The following SAMD4B variants were observed in gnomAD, a reference collection of about 807,000 sequenced individuals.
The protein encoded by SAMD4B is sterile alpha motif domain containing 4B.
A neutral mutation model predicts 74.5 loss-of-function variants in SAMD4B; 5 were observed. The observed-to-expected ratio is 0.07, with a 90% confidence interval of 0.04 to 0.14. SAMD4B has a LOEUF of 0.14. Ranked by LOEUF, SAMD4B falls within the 10% of genes least tolerant of loss-of-function variation. SAMD4B has a pLI of 1.00. For missense variants in SAMD4B, 608 were observed against 921.8 expected, an observed-to-expected ratio of 0.66 and a Z score of 4.41; for synonymous variants, 373 against 374.9, an observed-to-expected ratio of 1.00 and a Z score of 0.06.
downstream of SAMD4B, chr19:39,389,694 G>A: frequency 1.2e-6 from 2 of 1,614,174 alleles, no homozygotes; most frequent in Non-Finnish European, 1.7e-6. The surrounding 1 kb of genome is among the most constrained non-coding windows in gnomAD (Gnocchi z 5.3). Context: ...GTGACCCCCA[G>A]GTCTGGCTCA....
chr19:39,386,440 C>T (rs2078250892), downstream of SAMD4B: 3 of 1,613,974 alleles, frequency 1.9e-6, no homozygotes, highest in Admixed American at 1.7e-5. This position sits in a 1 kb window ranked among gnomAD's most constrained non-coding sequence, Gnocchi z 6.1. Context: ...CCCACTTTTC[C>T]ACCCTCCCAG....
rs765374538 is a variant in SAMD4B, at chr19:39,377,626, G to C, written c.1246G>C (p.Gly416Arg). 9 of 1,613,978 alleles carry C rather than the reference G, an allele frequency of 5.6e-6. No individual in the cohort carries two copies. Among genetic ancestry groups the C allele is most frequent in the East Asian group, 2.2e-5 (1 of 44,888 alleles). ...CCCTACTGCCAAGGATGGGGCCCCG[G>C]GGGAACCACCGCTGCCAGGTGCTGA... is the stretch of plus-strand genomic sequence containing the variant. ...TTPTAKDGAP[G>R]EPPLPGAEPP... Residue 416 changes from glycine (G) to arginine (R), a missense_variant, in exon 8 of 14, where the codon GGG (glycine) becomes CGG (arginine). Physicochemically the swap from Gly to Arg is moderately radical, Grantham distance 125 (BLOSUM62 -2). This residue lies in a region of SAMD4B where 99 missense variants were observed against 112.1 expected (regional missense o/e 0.88). Transcript: ENST00000610417.
At position 39,385,459 on chromosome 19, in the gene SAMD4B, C is replaced by T. The variant is rs893586616; in HGVS notation, c.*1932C>T. On this transcript the variant is annotated 3_prime_UTR_variant, in exon 14 of 14. Transcript: ENST00000610417. ...CCACCTGACAGCAGAGTGTGCAGGA[C>T]GCAGGCGGCCCCACTCTGATGGGCA... 7.8e-5 allele frequency: 34 copies of T among 434,424 alleles called. No individual in the cohort carries two copies. The highest frequency in any genetic ancestry group is 5.7e-5 in the Non-Finnish European group (14 of 246,828). 26.9% of individuals were successfully genotyped at this position (434,424 alleles called of 1,614,324 possible).
At chr19:39,361,757 A>G (rs2076667389) in intron 3 of SAMD4B, among the ~76,000 whole-genome samples, 1 of 151,446 alleles carries the variant, frequency 6.6e-6, no homozygotes, top group Non-Finnish European at 1.5e-5. Context: ...CCCCATCTCT[A>G]CTAAAAATAC....
At position 39,384,884 on chromosome 19, in the gene SAMD4B, C is replaced by T. The variant is rs1375081073; in HGVS notation, c.*1357C>T. The T allele has an allele frequency of 6.8e-6, 1 of 147,300 alleles. No individual in the cohort carries two copies. Among genetic ancestry groups the T allele is most frequent in the South Asian group, 2.2e-4 (1 of 4,600 alleles). 9.1% of individuals were successfully genotyped at this position (147,300 alleles called of 1,614,324 possible). The stretch of plus-strand genomic sequence containing the variant: ...ACCATTGTGTATGTTATTAAAGATA[C>T]AAAATGTTGGGAAAAAAACAAAAAA... On this transcript the variant is annotated 3_prime_UTR_variant, in exon 14 of 14. Transcript: ENST00000610417.
At chr19:39,369,633 T>C in intron 3 of SAMD4B, 22 bp from the exon 4 acceptor site, 4 of 1,604,980 alleles carry the variant, frequency 2.5e-6, no homozygotes, top group South Asian at 2.2e-5. Flanking sequence ...TCTCCTGATA[T>C]TTCTTCTTAT....
chr19:39,383,437 G>A lies in SAMD4B; in HGVS notation c.2057-62G>A, dbSNP rs1280872067. On this transcript the variant is annotated intron_variant, in intron 13 of 13. Transcript: ENST00000610417. This position sits in a 1 kb window ranked among gnomAD's most constrained non-coding sequence, Gnocchi z 4.1. ...GACTGGGATGACAGGCTACCTGAGT[G>A]CCTTTTCTTGGGCCTCCCTCCAGCT... is the stretch of plus-strand genomic sequence containing the variant. The A allele has an allele frequency of 6.3e-7, 1 of 1,590,868 alleles. No individual in the cohort carries two copies. The highest frequency in any genetic ancestry group is 1.3e-5 in the African/African-American group (1 of 74,504).
chr19:39,377,480 T>C lies in SAMD4B; in HGVS notation c.1105-5T>C. Reference sequence around the variant, plus strand: ...TGTGACCCCAGCCTGTGTCCTCCCATCCAGGATGTGCTGGAAGGCGGGAAC... The same window carrying C: ...TGTGACCCCAGCCTGTGTCCTCCCACCCAGGATGTGCTGGAAGGCGGGAAC... On this transcript the variant is annotated splice_region_variant and splice_polypyrimidine_tract_variant and intron_variant, in intron 7 of 13. Coordinates refer to ENST00000610417, the MANE Select transcript of SAMD4B (RefSeq NM_001384574.2). 3 of 1,556,074 alleles carry C rather than the reference T, an allele frequency of 1.9e-6. No individual in the cohort carries two copies. The highest frequency in any genetic ancestry group is 2.6e-6 in the Non-Finnish European group (3 of 1,145,416).
chr19:39,374,326 G>A (rs962140251), intron 4 of SAMD4B, among the ~76,000 whole-genome samples: 1 of 152,102 alleles, frequency 6.6e-6, no homozygotes, highest in African/African-American at 2.4e-5. Context: ...AGAGGGTATG[G>A]AGCATCCTTC....
chr19:39,371,595 T>C (rs2077300552), intron 4 of SAMD4B, among the ~76,000 whole-genome samples: 1 of 152,140 alleles, frequency 6.6e-6, no homozygotes, highest in Non-Finnish European at 1.5e-5. Flanking sequence ...GGCAGGCAGA[T>C]CACCTGAGGT....
chr19:39,380,513 G>A (rs997898456), intron 10 of SAMD4B, 74 bp from the exon 11 acceptor site: 2 of 1,490,684 alleles, frequency 1.3e-6, no homozygotes, highest in Admixed American at 1.7e-5. Flanking sequence ...GGGGTTGTTG[G>A]GGAAGGTGAG....
Position 39,383,492 on chromosome 19 carries a change from A to G in SAMD4B, c.2057-7A>G. The G allele has an allele frequency of 6.2e-7, 1 of 1,613,622 alleles. No homozygotes were observed. The highest frequency in any genetic ancestry group is 8.5e-7 in the Non-Finnish European group (1 of 1,179,792). On this transcript the variant is annotated splice_region_variant and splice_polypyrimidine_tract_variant and intron_variant, in intron 13 of 13. Coordinates refer to ENST00000610417, the MANE Select transcript of SAMD4B (RefSeq NM_001384574.2). This position sits in a 1 kb window ranked among gnomAD's most constrained non-coding sequence, Gnocchi z 4.1. ...ATCTTCCTCCCTTCCTCCCTTTCTT[A>G]CCACAGATGGGACAGACAAAACCTC...
chr19:39,376,771 G>A lies in SAMD4B; in HGVS notation c.1084G>A (p.Val362Ile), dbSNP rs141485885. ...CCAGAAGCTGCGTGAGAGACAGAGC[G>A]TCCTCAAGTCCCTAGAGAAGGTGAG... ...SIQKLRERQS[V>I]LKSLEKDVLE... Residue 362 changes from valine to isoleucine, a missense_variant, in exon 7 of 14, where the codon GTC becomes ATC. Transcript: ENST00000610417. 21 of 1,614,032 alleles carry A rather than the reference G, an allele frequency of 1.3e-5. No individual in the cohort carries two copies. The highest frequency in any genetic ancestry group is 1.6e-4 in the Middle Eastern group (1 of 6,082).
At chr19:39,344,967 C>T (rs190096396) in intron 1 of SAMD4B, among the ~76,000 whole-genome samples, 94 of 152,278 alleles carry the variant, frequency 6.2e-4, no homozygotes, top group Non-Finnish European at 4.4e-5. Context: ...CCAAATAATC[C>T]CTTCCCCTAT....
At chr19:39,377,235 T>C (rs1357090561) in intron 7 of SAMD4B, among the ~76,000 whole-genome samples, 1 of 152,226 alleles carries the variant, frequency 6.6e-6, no homozygotes, top group Non-Finnish European at 1.5e-5. Context: ...ATTCTATCCT[T>C]GTTGGGTCCT....
chr19:39,377,772 T>A lies in SAMD4B; in HGVS notation c.1392T>A (p.Ala464=). The change falls in exon 8 of 14, where the codon GCT becomes GCA. Residue 464 remains alanine (A), a synonymous_variant. Transcript: ENST00000610417. The part of the protein sequence containing the change: ...APTDGSEPAP[A]PVADGDIPSQ... ...CTGATGGCAGTGAGCCTGCCCCGGC[T>A]CCCGTCGCCGACGGAGACATCCCCA... is the stretch of plus-strand genomic sequence containing the variant. 6.2e-7 allele frequency: 1 copy of A among 1,613,204 alleles called. No homozygotes were observed. Among genetic ancestry groups the A allele is most frequent in the Middle Eastern group, 1.7e-4 (1 of 6,056 alleles).
At position 39,375,882 on chromosome 19, in the gene SAMD4B, C is replaced by T; in HGVS notation, c.900C>T (p.Gly300=). Residue 300 remains glycine, a synonymous_variant, in exon 5 of 14, where the codon GGC becomes GGT. Transcript: ENST00000610417. This position sits in a 1 kb window ranked among gnomAD's most constrained non-coding sequence, Gnocchi z 4.1. ...ACACCTTCCAGGAGGATGGCAGTGG[C>T]ATGAAAGGTACATTGGGGACAGCAG... is the stretch of plus-strand genomic sequence containing the variant. ...SRNTFQEDGS[G]MKDVPSWLKS... is the part of the protein sequence containing the mutation. 1 of 1,607,028 alleles carries T rather than the reference C, an allele frequency of 6.2e-7. No individual in the cohort carries two copies.
At chr19:39,352,802 C>T (rs190625763) in intron 1 of SAMD4B, among the ~76,000 whole-genome samples, 60 of 152,222 alleles carry the variant, frequency 3.9e-4, no homozygotes, top group African/African-American at 1.4e-3. Flanking sequence ...AGTAACAACC[C>T]AGTAAAAGAA....
At chr19:39,373,912 C>A (rs967803332) in intron 4 of SAMD4B, among the ~76,000 whole-genome samples, 4 of 151,478 alleles carry the variant, frequency 2.6e-5, no homozygotes, top group Non-Finnish European at 5.9e-5. Context: ...TGCAGTGAGC[C>A]GAGATTGTGC....
Sources: gnomAD v4.1 joint callset for allele counts (sites outside exome capture counted in the v4.1 genomes callset) on GRCh38, gnomAD v4.1.1 for gene constraint, gnomAD v4.1.1 regional missense constraint, Gnocchi (gnomAD v3.1) non-coding constraint, MANE v1.5 for transcripts, NCBI Gene and HGNC (gene_info 2026-07-23, HGNC 2026-07-21) for gene names.